The following CDK19 variants were observed in gnomAD, a reference collection of about 807,000 sequenced individuals.
The protein encoded by CDK19 is cyclin dependent kinase 19.
CDK19 carries 20 observed loss-of-function variants against 68.3 expected under a neutral mutation model. That is an observed-to-expected ratio of 0.29 (90% CI 0.21 to 0.43). CDK19 has a LOEUF of 0.43. Among genes scored for constraint, CDK19 ranks in the 20% least tolerant of loss-of-function variants. The pLI, the probability that CDK19 is intolerant of heterozygous loss-of-function variation, is 1.00. For synonymous variants in CDK19, 221 were observed against 222.8 expected (o/e 0.99, Z 0.07); for missense variants, 339 against 623.5 (o/e 0.54, Z 4.86).
At chr6:110,738,035 G>GA (rs769142875) in intron 2 of CDK19, among the ~76,000 whole-genome samples, 4 of 150,956 alleles carry the variant, frequency 2.6e-5, no homozygotes, top group Non-Finnish European at 4.4e-5. Context: ...TTAAAAGTCT[G>GA]AAAAAAAAAT....
At position 110,621,024 on chromosome 6, in the gene CDK19, T is replaced by A; in HGVS notation, c.1377+80A>T. The stretch of plus-strand genomic sequence containing the variant: ...CACAGTCAAATGTAAGAGTTAAGTG[T>A]TACTTAACTCTAAAAGGATCTAGGA... On this transcript the variant is annotated intron_variant, in intron 12 of 12. Coordinates refer to ENST00000368911, the MANE Select transcript of CDK19 (RefSeq NM_015076.5). This position sits in a 1 kb window ranked among gnomAD's most constrained non-coding sequence, Gnocchi z 5.4. 6 of 1,288,676 alleles carry A rather than the reference T, an allele frequency of 4.7e-6. No individual in the cohort carries two copies. The highest frequency in any genetic ancestry group is 6.5e-6 in the Non-Finnish European group (6 of 928,348). 79.8% of individuals were successfully genotyped at this position (1,288,676 alleles called of 1,614,324 possible).
At chr6:110,760,060 C>G (rs1006910921) in intron 1 of CDK19, among the ~76,000 whole-genome samples, 2 of 152,032 alleles carry the variant, frequency 1.3e-5, no homozygotes, top group Non-Finnish European at 2.9e-5. Context: ...ATAATAATAG[C>G]TACACTTGTA....
At chr6:110,789,298 T>A (rs74411326) in intron 1 of CDK19, among the ~76,000 whole-genome samples, 1 of 151,888 alleles carries the variant, frequency 6.6e-6, no homozygotes, top group East Asian at 1.9e-4. Flanking sequence ...TTTTTTTTTT[T>A]AAGTGGAGTC....
At position 110,778,389 on chromosome 6, in the gene CDK19, T is replaced by C. The variant is rs137922011; in HGVS notation, c.129-32188A>G. Among the ~76,000 whole-genome samples, 1,088 of 152,324 alleles carry C rather than the reference T, an allele frequency of 7.1e-3. 14 individuals carry two copies. The highest frequency in any genetic ancestry group is 0.025 in the African/African-American group (1,039 of 41,566). ...TGATTTAATTTTACTAAAAGTTTAA[T>C]TGGAAGTCTTTTAATTCAAAGGTTA... On this transcript the variant is annotated intron_variant, in intron 1 of 12. Transcript: ENST00000368911.
intron 2 of CDK19, among the ~76,000 whole-genome samples, chr6:110,701,874 G>A (rs1361555302): frequency 6.6e-6 from 1 of 152,074 alleles, no homozygotes; most frequent in Non-Finnish European, 1.5e-5. Context: ...CAGGCACGGT[G>A]GCTCACGCCT....
chr6:110,723,843 T>C (rs1453430373), intron 2 of CDK19, among the ~76,000 whole-genome samples: 1 of 152,188 alleles, frequency 6.6e-6, no homozygotes, highest in Non-Finnish European at 1.5e-5. Context: ...AATATTCTCA[T>C]CGCTTCTCGG....
chr6:110,717,890 G>T (rs763698069), intron 2 of CDK19, among the ~76,000 whole-genome samples: 1 of 152,062 alleles, frequency 6.6e-6, no homozygotes, highest in Non-Finnish European at 1.5e-5. Flanking sequence ...TAGTAGAGAT[G>T]GGGTTTCTCC....
rs1778757769 is a variant in CDK19, at chr6:110,622,120, T to C, written c.1078A>G (p.Asn360Asp). 9 of 1,612,820 alleles carry C rather than the reference T, an allele frequency of 5.6e-6. No homozygotes were observed. The highest frequency in any genetic ancestry group is 7.6e-6 in the Non-Finnish European group (9 of 1,179,226). Residue 360 changes from asparagine to aspartate, a missense_variant, in exon 11 of 13, where the codon AAT becomes GAT. Coordinates refer to ENST00000368911, the MANE Select transcript of CDK19 (RefSeq NM_015076.5). ...QIPYPKREFLNEDDPEEKGDK... is the reference protein window; with the variant it reads ...QIPYPKREFLDEDDPEEKGDK... ...CCTTTTTCTTCAGGATCATCTTCAT[T>C]AAGGAATTCTCGTTTGGGGTATGGA...
intron 2 of CDK19, among the ~76,000 whole-genome samples, chr6:110,717,134 A>C (rs1460780776): frequency 2.0e-5 from 3 of 152,166 alleles, no homozygotes; most frequent in Non-Finnish European, 4.4e-5. Context: ...TCTCAAAAAT[A>C]AATAATAAAT....
intron 2 of CDK19, among the ~76,000 whole-genome samples, chr6:110,687,001 C>T (rs1366428035): frequency 6.6e-6 from 1 of 152,092 alleles, no homozygotes; most frequent in Non-Finnish European, 1.5e-5. Context: ...GCATTCAAGA[C>T]CAGCCTGGGA....
intron 2 of CDK19, among the ~76,000 whole-genome samples, chr6:110,691,469 G>A (rs12195449): frequency 0.067 from 9,962 of 149,506 alleles, 415 homozygotes; most frequent in African/African-American, 0.12. Context: ...GCAAGACTCC[G>A]TCTCAAAAAA....
chr6:110,807,254 G>A (rs1055591483), intron 1 of CDK19, among the ~76,000 whole-genome samples: 2 of 152,026 alleles, frequency 1.3e-5, no homozygotes, highest in Non-Finnish European at 2.9e-5. Flanking sequence ...CTTGAGCCCA[G>A]GCAGCCAAAG....
At chr6:110,617,464 A>G (rs1403147676) in intron 12 of CDK19, among the ~76,000 whole-genome samples, 2 of 151,764 alleles carry the variant, frequency 1.3e-5, no homozygotes, top group East Asian at 3.9e-4. Context: ...GGCTGTCTAC[A>G]CTTTGTTGAC....
intron 4 of CDK19, among the ~76,000 whole-genome samples, chr6:110,654,213 G>T (rs1781156527): frequency 6.6e-6 from 1 of 152,264 alleles, no homozygotes; most frequent in South Asian, 2.1e-4. Flanking sequence ...CTCAGTTCAT[G>T]CTCCTTTCTT....
At chr6:110,635,789 G>A (rs962668028) in intron 5 of CDK19, among the ~76,000 whole-genome samples, 7 of 152,078 alleles carry the variant, frequency 4.6e-5, no homozygotes, top group Admixed American at 2.0e-4. Flanking sequence ...TGCCCGCCTT[G>A]GCCTCCCAAA....
chr6:110,814,205 C>T (rs1783369896), intron 1 of CDK19: 1 of 246,598 alleles, frequency 4.1e-6, no homozygotes, highest in African/African-American at 2.4e-5. Flanking sequence ...AAGCCCCAGC[C>T]CACAGTCATC....
At chr6:110,687,189 T>C (rs1015821675) in intron 2 of CDK19, among the ~76,000 whole-genome samples, 2 of 152,206 alleles carry the variant, frequency 1.3e-5, no homozygotes, top group African/African-American at 4.8e-5. Flanking sequence ...GGAGGTCAGC[T>C]TTCTGATGGA....
chr6:110,798,823 A>C (rs544832146), intron 1 of CDK19, among the ~76,000 whole-genome samples: 3 of 151,904 alleles, frequency 2.0e-5, no homozygotes, highest in Non-Finnish European at 4.4e-5. Context: ...GAAAATCTAC[A>C]CATCCTATAT....
rs1772465159 is a variant in CDK19, at chr6:110,686,212, G to A, written c.205-15671C>T. Among the ~76,000 whole-genome samples the A allele has an allele frequency of 2.0e-5, 3 of 152,236 alleles. No homozygotes were observed. In the South Asian group the frequency reaches 6.2e-4, roughly 31 times the overall value. On this transcript the variant is annotated intron_variant, in intron 2 of 12. Transcript: ENST00000368911. The stretch of plus-strand genomic sequence containing the variant: ...CAAAATGGACAATTTTTAAATTACA[G>A]TTATGGTGAGGCTATTAAGGAAAAA...
Sources: gnomAD v4.1 joint callset for allele counts (sites outside exome capture counted in the v4.1 genomes callset) on GRCh38, gnomAD v4.1.1 for gene constraint, Gnocchi (gnomAD v3.1) non-coding constraint, MANE v1.5 for transcripts, NCBI Gene and HGNC (gene_info 2026-07-23, HGNC 2026-07-21) for gene names.